The following DOCK3 variants were observed in gnomAD, a reference collection of about 807,000 sequenced individuals.
The protein encoded by DOCK3 is dedicator of cytokinesis 3.
A neutral mutation model predicts 265.6 loss-of-function variants in DOCK3; 60 were observed. The ratio of observed to expected loss-of-function variants is 0.23; its 90% confidence interval spans 0.18 to 0.28. The LOEUF (loss-of-function observed/expected upper bound fraction) is 0.28. Among genes scored for constraint, DOCK3 ranks in the 10% least tolerant of loss-of-function variants. The probability of loss-of-function intolerance (pLI) is 1.00; values close to 1 mark genes in which losing one functional copy is unlikely to be tolerated. For synonymous variants in DOCK3, 881 were observed against 938.0 expected (o/e 0.94, Z 1.11); for missense variants, 1,981 against 2,594.3 (o/e 0.76, Z 5.14).
intron 13 of DOCK3, among the ~76,000 whole-genome samples, chr3:51,209,321 T>G (rs1453963358): frequency 1.3e-5 from 2 of 152,226 alleles, no homozygotes; most frequent in Non-Finnish European, 2.9e-5. Flanking sequence ...TCGGTCATTC[T>G]GAAACTAGAA....
chr3:50,683,534 A>G lies in DOCK3; in HGVS notation c.37+8234A>G, dbSNP rs78935127. ...TGTGATTTGAATGCAGATTATCTGT[A>G]TGAACATTTTATGATAGTGCCAGCC... is the stretch of plus-strand genomic sequence containing the variant. On this transcript the variant is annotated intron_variant, in intron 1 of 52. Transcript: ENST00000266037. Among the ~76,000 whole-genome samples the G allele has an allele frequency of 1.8e-4, 28 of 152,326 alleles. No individual in the cohort carries two copies. In the East Asian group the frequency reaches 4.0e-3, roughly 22 times the overall value.
In DOCK3 at chr3:50,675,646, T is replaced by C. The variant is rs1171000021; in HGVS notation, c.37+346T>C. Among the ~76,000 whole-genome samples the C allele has an allele frequency of 2.0e-5, 3 of 152,194 alleles. No individual in the cohort carries two copies. The highest frequency in any genetic ancestry group is 4.4e-5 in the Non-Finnish European group (3 of 68,018). On this transcript the variant is annotated intron_variant, in intron 1 of 52. Transcript: ENST00000266037. The surrounding 1 kb of genome is among the most constrained non-coding windows in gnomAD (Gnocchi z 6.1). ...AATTCTGGGAATATGTTTTCTCCCC[T>C]CCAAAAGCTCGATTTTAATGAGTTT...
intron 14 of DOCK3, among the ~76,000 whole-genome samples, chr3:51,217,949 C>G (rs2089876444): frequency 6.6e-6 from 1 of 151,682 alleles, no homozygotes; most frequent in Non-Finnish European, 1.5e-5. Flanking sequence ...GAAACCCCAT[C>G]TCTACTAAAA....
chr3:50,790,868 T>C (rs762309109), intron 2 of DOCK3, among the ~76,000 whole-genome samples: 14 of 152,182 alleles, frequency 9.2e-5, no homozygotes, highest in Non-Finnish European at 1.5e-4. Flanking sequence ...TTTCTAGTGA[T>C]CAATGATACT....
At chr3:50,745,645 C>T (rs2039378977) in intron 1 of DOCK3, among the ~76,000 whole-genome samples, 1 of 152,148 alleles carries the variant, frequency 6.6e-6, no homozygotes, top group Admixed American at 6.5e-5. Flanking sequence ...GGACAAGGTC[C>T]CCCTGCCTGT....
At chr3:51,112,925 C>G (rs148371491) in intron 9 of DOCK3, among the ~76,000 whole-genome samples, 77 of 152,090 alleles carry the variant, frequency 5.1e-4, no homozygotes, top group Non-Finnish European at 8.4e-4. Context: ...GCTGCTACAT[C>G]TAAAAGGTAT....
chr3:51,281,000 T>G (rs936238186), intron 27 of DOCK3, among the ~76,000 whole-genome samples: 2 of 152,140 alleles, frequency 1.3e-5, no homozygotes, highest in Admixed American at 6.5e-5. Context: ...TGAAGATGAT[T>G]CTCCAGAATC....
intron 21 of DOCK3, among the ~76,000 whole-genome samples, chr3:51,237,879 A>C (rs2078418477): frequency 6.6e-6 from 1 of 152,012 alleles, no homozygotes; most frequent in Non-Finnish European, 1.5e-5. Context: ...GTAATCATTA[A>C]AAATAACTCC....
intron 51 of DOCK3, among the ~76,000 whole-genome samples, chr3:51,377,696 A>G (rs955923808): frequency 6.6e-6 from 1 of 152,234 alleles, no homozygotes; most frequent in Admixed American, 6.5e-5. Flanking sequence ...CTGCAGGGCA[A>G]ACTTGATGGC....
chr3:50,925,539 G>A (rs1207068074), intron 4 of DOCK3, among the ~76,000 whole-genome samples: 2 of 151,860 alleles, frequency 1.3e-5, no homozygotes, highest in Non-Finnish European at 2.9e-5. Context: ...GGGAAACATA[G>A]CAAGACTCTG....
intron 12 of DOCK3, among the ~76,000 whole-genome samples, chr3:51,170,438 T>G (rs1485668892): frequency 6.6e-6 from 1 of 152,180 alleles, no homozygotes; most frequent in East Asian, 1.9e-4. Context: ...ATTATTGATT[T>G]TTTTTTATTC....
chr3:50,904,756 T>C (rs913945960), intron 4 of DOCK3, among the ~76,000 whole-genome samples: 5 of 152,160 alleles, frequency 3.3e-5, no homozygotes, highest in Non-Finnish European at 7.3e-5. Context: ...TTTCTTTTGC[T>C]GTGCAGAAGC....
chr3:51,362,706 G>A, intron 49 of DOCK3, 32 bp downstream of exon 49: 1 of 1,606,928 alleles, frequency 6.2e-7, no homozygotes, highest in Non-Finnish European at 8.5e-7. Flanking sequence ...TTGCAGAATG[G>A]AGAAGAGAGG....
chr3:50,713,458 G>A (rs147146256), intron 1 of DOCK3, among the ~76,000 whole-genome samples: 25 of 152,246 alleles, frequency 1.6e-4, no homozygotes, highest in African/African-American at 6.0e-4. Flanking sequence ...AGTTTATGCA[G>A]AAAGAAATTT....
At chr3:51,153,112 G>A (rs547184891) in intron 10 of DOCK3, among the ~76,000 whole-genome samples, 30 of 152,318 alleles carry the variant, frequency 2.0e-4, no homozygotes, top group African/African-American at 7.0e-4. Flanking sequence ...CCTAGGTGGG[G>A]TCTACAGAGG....
chr3:51,352,118 T>G (rs2086034518), intron 40 of DOCK3, among the ~76,000 whole-genome samples: 1 of 152,210 alleles, frequency 6.6e-6, no homozygotes, highest in Non-Finnish European at 1.5e-5. Context: ...GTAGAAGCAA[T>G]TGTACAAGAA....
At chr3:50,879,026 C>G (rs140307029) in intron 3 of DOCK3, among the ~76,000 whole-genome samples, 15,012 of 152,054 alleles carry the variant, frequency 0.099, 895 homozygotes, top group Non-Finnish European at 0.13. Context: ...TCCAGCCAAA[C>G]TAAGCTTCAT....
At chr3:50,883,711 T>C (rs2048179019) in intron 3 of DOCK3, among the ~76,000 whole-genome samples, 1 of 152,184 alleles carries the variant, frequency 6.6e-6, no homozygotes, top group Admixed American at 6.5e-5. Context: ...TAGAAATTTG[T>C]ATTTTAAATA....
In DOCK3 at chr3:50,706,512, T is replaced by C. The variant is rs142224813; in HGVS notation, c.37+31212T>C. On this transcript the variant is annotated intron_variant, in intron 1 of 52. Coordinates refer to ENST00000266037, the MANE Select transcript of DOCK3 (RefSeq NM_004947.5). Reference sequence around the variant, plus strand: ...GTTATTCGATGCTTTTTTCTTGCTGTTTTTAGAACTCTCTTTGTCTTTGAC... The same window carrying C: ...GTTATTCGATGCTTTTTTCTTGCTGCTTTTAGAACTCTCTTTGTCTTTGAC... Among the ~76,000 whole-genome samples the C allele has an allele frequency of 4.6e-3, 708 of 152,282 alleles. 4 individuals carry two copies. The highest frequency in any genetic ancestry group is 0.016 in the African/African-American group (671 of 41,560).
Sources: gnomAD v4.1 joint callset for allele counts (sites outside exome capture counted in the v4.1 genomes callset) on GRCh38, gnomAD v4.1.1 for gene constraint, Gnocchi (gnomAD v3.1) non-coding constraint, MANE v1.5 for transcripts, NCBI Gene and HGNC (gene_info 2026-07-23, HGNC 2026-07-21) for gene names.